The following PRIMA1 variants were observed in gnomAD, a reference collection of about 807,000 sequenced individuals.
PRIMA1 encodes the protein proline rich membrane anchor 1, also known as proline-rich membrane anchor 1.
A neutral mutation model predicts 17.5 loss-of-function variants in PRIMA1; 7 were observed. The observed-to-expected ratio is 0.40, with a 90% confidence interval of 0.23 to 0.75. The LOEUF is 0.75. Among genes scored for constraint, PRIMA1 ranks in the 30% least tolerant of loss-of-function variants. The probability of loss-of-function intolerance (pLI) is 0.37; values close to 1 mark genes in which losing one functional copy is unlikely to be tolerated. For missense variants in PRIMA1, 200 were observed against 201.8 expected (o/e 0.99, Z 0.05); for synonymous variants, 97 against 77.9 (o/e 1.25, Z -1.29).
intron 3 of PRIMA1, among the ~76,000 whole-genome samples, chr14:93,759,490 CGTGCATGTGTGCGT>C (rs985769080): frequency 4.6e-5 from 7 of 151,880 alleles, no homozygotes; most frequent in African/African-American, 1.5e-4. Flanking sequence ...TGTGTGTGCG[CGTGCATGTGTGCGT>C]GTGCATGTGT....
chr14:93,751,313 T>C (rs2076257930), intron 3 of PRIMA1, among the ~76,000 whole-genome samples: 1 of 152,196 alleles, frequency 6.6e-6, no homozygotes, highest in Admixed American at 6.5e-5. Flanking sequence ...GGGACAACTA[T>C]AGGCTGAAAT....
chr14:93,761,983 C>G (rs1291008823), intron 3 of PRIMA1, among the ~76,000 whole-genome samples: 2 of 152,226 alleles, frequency 1.3e-5, no homozygotes, highest in East Asian at 3.9e-4. Context: ...TTAGGACACC[C>G]CTCACATGGT....
chr14:93,718,362 T>C lies in PRIMA1; in HGVS notation c.*3082A>G, dbSNP rs1595183103. 6.6e-6 allele frequency: 1 copy of C among 152,316 alleles called. No homozygotes were observed. The highest frequency in any genetic ancestry group is 2.1e-4 in the South Asian group (1 of 4,816). The allele number at this position is 152,316 out of a possible 1,614,324, so 9.4% of individuals were successfully genotyped here. On this transcript the variant is annotated 3_prime_UTR_variant, in exon 5 of 5. Transcript: ENST00000393140. ...TGCTTTCTTCCTCATAAGTGGCATA[T>C]GGACACCCCCAGTGCTGCCGGTCTC...
intron 3 of PRIMA1, among the ~76,000 whole-genome samples, chr14:93,748,414 G>A (rs963899817): frequency 1.3e-5 from 2 of 152,206 alleles, no homozygotes; most frequent in Non-Finnish European, 2.9e-5. Flanking sequence ...ACTGGAGGGA[G>A]CAACGCAGTG....
chr14:93,735,853 C>T (rs1433633728), intron 4 of PRIMA1, among the ~76,000 whole-genome samples: 1 of 152,106 alleles, frequency 6.6e-6, no homozygotes, highest in Non-Finnish European at 1.5e-5. Context: ...CCATGACCTG[C>T]TAATTTTGTA....
intron 4 of PRIMA1, among the ~76,000 whole-genome samples, chr14:93,724,908 G>A (rs1302465201): frequency 6.6e-6 from 1 of 152,172 alleles, no homozygotes; most frequent in Non-Finnish European, 1.5e-5. Flanking sequence ...AAATAACTAA[G>A]CCTGGATGGC....
At chr14:93,732,810 G>GAGCCCAGCTA (rs1162261965) in intron 4 of PRIMA1, among the ~76,000 whole-genome samples, 4 of 152,346 alleles carry the variant, frequency 2.6e-5, no homozygotes, top group African/African-American at 9.6e-5. Flanking sequence ...GAGCCCAGCT[G>GAGCCCAGCTA]AGCCCAGCTG....
At chr14:93,766,860 A>G (rs1463339190) in intron 3 of PRIMA1, among the ~76,000 whole-genome samples, 1 of 152,202 alleles carries the variant, frequency 6.6e-6, no homozygotes, top group African/African-American at 2.4e-5. Context: ...CAAGAAGAAG[A>G]AATGAAGAAG....
intron 3 of PRIMA1, among the ~76,000 whole-genome samples, chr14:93,750,032 A>G (rs2141171568): frequency 6.6e-6 from 1 of 152,310 alleles, no homozygotes; most frequent in East Asian, 1.9e-4. Flanking sequence ...AATACAAAAA[A>G]GTAGCCAGGT....
At chr14:93,746,540 A>ACTT (rs1206184742) in intron 3 of PRIMA1, among the ~76,000 whole-genome samples, 2 of 151,766 alleles carry the variant, frequency 1.3e-5, no homozygotes, top group Non-Finnish European at 2.9e-5. Flanking sequence ...GCGAGGGGAG[A>ACTT]CTAGAAGGAG....
At chr14:93,767,597 T>G (rs1271872962) in intron 3 of PRIMA1, among the ~76,000 whole-genome samples, 1 of 152,220 alleles carries the variant, frequency 6.6e-6, no homozygotes, top group Non-Finnish European at 1.5e-5. Context: ...AATGCCATCC[T>G]GAGACCAGAG....
At chr14:93,771,230 T>C (rs1377674800) in intron 3 of PRIMA1, among the ~76,000 whole-genome samples, 1 of 26,712 alleles carries the variant, frequency 3.7e-5, no homozygotes, top group Non-Finnish European at 2.0e-4. Context: ...CACTGCTCCA[T>C]CAGGGGTGGT....
intron 3 of PRIMA1, among the ~76,000 whole-genome samples, chr14:93,754,202 T>C (rs2076277308): frequency 6.6e-6 from 1 of 152,220 alleles, no homozygotes; most frequent in South Asian, 2.1e-4. Flanking sequence ...CATCAGGAGC[T>C]GTGGGTGTCA....
Position 93,747,446 on chromosome 14 carries a change from C to T in PRIMA1, c.230-10076G>A, listed in dbSNP as rs189409714. ...ATGGAAATGGTGGGGATGCACAACTCGCGGTTCAAGTTTTGCTGCAAAAGG... is the reference window on the plus strand; with the variant it reads ...ATGGAAATGGTGGGGATGCACAACTTGCGGTTCAAGTTTTGCTGCAAAAGG... On this transcript the variant is annotated intron_variant, in intron 3 of 4. Transcript: ENST00000393140. Among the ~76,000 whole-genome samples the T allele has an allele frequency of 5.9e-5, 9 of 152,240 alleles. No homozygotes were observed. In the East Asian group the frequency reaches 1.5e-3, roughly 26 times the overall value.
At chr14:93,729,296 C>T (rs753821102) in intron 4 of PRIMA1, among the ~76,000 whole-genome samples, 8 of 152,230 alleles carry the variant, frequency 5.3e-5, no homozygotes, top group Non-Finnish European at 7.3e-5. Context: ...TTTGACCTGA[C>T]TCACAGTACA....
intron 4 of PRIMA1, among the ~76,000 whole-genome samples, chr14:93,735,266 T>C (rs1211013944): frequency 1.3e-5 from 2 of 152,192 alleles, no homozygotes. Flanking sequence ...TCCTAGTGTC[T>C]AGTCACGGGC....
At chr14:93,749,446 C>A (rs571465094) in intron 3 of PRIMA1, among the ~76,000 whole-genome samples, 1 of 152,158 alleles carries the variant, frequency 6.6e-6, no homozygotes, top group South Asian at 2.1e-4. Context: ...TTATAATCTA[C>A]TGGAAATTGG....
At chr14:93,748,948 T>G (rs1275265795) in intron 3 of PRIMA1, among the ~76,000 whole-genome samples, 1 of 152,090 alleles carries the variant, frequency 6.6e-6, no homozygotes, top group East Asian at 1.9e-4. Context: ...GGGTGGAGGC[T>G]GGGGCAGGAG....
chr14:93,769,989 C>T (rs972223597), intron 3 of PRIMA1, among the ~76,000 whole-genome samples: 2 of 152,196 alleles, frequency 1.3e-5, no homozygotes, highest in Admixed American at 6.5e-5. Context: ...CGCCAAGTGA[C>T]ATCTGGTGGT....
Sources: gnomAD v4.1 joint callset for allele counts (sites outside exome capture counted in the v4.1 genomes callset) on GRCh38, gnomAD v4.1.1 for gene constraint, MANE v1.5 for transcripts, NCBI Gene and HGNC (gene_info 2026-07-23, HGNC 2026-07-21) for gene names.